Variants in MSRA observed in about 807,000 individuals in gnomAD.
MSRA encodes mitochondrial peptide methionine sulfoxide reductase.
In MSRA, 54 loss-of-function variants were observed where a neutral mutation model predicts 31.3. The ratio of observed to expected loss-of-function variants is 1.73; its 90% CI spans 1.39 to 2.17. MSRA has a LOEUF of 2.17. Among genes scored for constraint, MSRA ranks in the 30% most tolerant of loss-of-function variants. MSRA has a pLI of 0.00. For missense variants in MSRA, 507 were observed against 300.9 expected (o/e 1.69, Z -5.07); for synonymous variants, 169 against 116.5 (o/e 1.45, Z -2.90).
chr8:10,334,989 G>A (rs987503434), intron 5 of MSRA, among the ~76,000 whole-genome samples: 1 of 149,954 alleles, frequency 6.7e-6, no homozygotes, highest in Admixed American at 6.6e-5. Flanking sequence ...AAGCGAGGAG[G>A]AATAAAAGGC....
intron 5 of MSRA, among the ~76,000 whole-genome samples, chr8:10,381,765 A>G (rs936966106): frequency 1.3e-5 from 2 of 152,210 alleles, no homozygotes; most frequent in African/African-American, 4.8e-5. Flanking sequence ...GCAGACCCTC[A>G]GGAAGCTGAT....
intron 3 of MSRA, among the ~76,000 whole-genome samples, chr8:10,266,816 C>T (rs1798771968): frequency 6.6e-6 from 1 of 152,042 alleles, no homozygotes; most frequent in Non-Finnish European, 1.5e-5. Flanking sequence ...GGATTAAGGT[C>T]ACTTTACCCA....
intron 4 of MSRA, among the ~76,000 whole-genome samples, chr8:10,317,323 G>C (rs1467833956): frequency 6.6e-6 from 1 of 152,192 alleles, no homozygotes; most frequent in Non-Finnish European, 1.5e-5. Flanking sequence ...CAATCAGGAT[G>C]GATAAAACAG....
At chr8:10,135,414 A>G (rs921077230) in intron 1 of MSRA, among the ~76,000 whole-genome samples, 1 of 152,234 alleles carries the variant, frequency 6.6e-6, no homozygotes, top group Non-Finnish European at 1.5e-5. Flanking sequence ...TCTGTTTTAT[A>G]TAAGAGAGGA....
intron 3 of MSRA, among the ~76,000 whole-genome samples, chr8:10,286,103 A>G (rs1392625559): frequency 6.6e-6 from 1 of 152,056 alleles, no homozygotes; most frequent in Non-Finnish European, 1.5e-5. Flanking sequence ...GGTGTGGCTT[A>G]TTTAATCTAA....
chr8:10,122,212 T>G (rs1801172654), intron 1 of MSRA, among the ~76,000 whole-genome samples: 1 of 152,062 alleles, frequency 6.6e-6, no homozygotes, highest in Non-Finnish European at 1.5e-5. Flanking sequence ...GTCTAGCATG[T>G]GAAGCATCCT....
chr8:10,139,876 C>G (rs780644655), intron 1 of MSRA, among the ~76,000 whole-genome samples: 9 of 152,132 alleles, frequency 5.9e-5, no homozygotes, highest in Non-Finnish European at 8.8e-5. Flanking sequence ...GATTGTTTTC[C>G]TCAGTGTTGT....
chr8:10,086,506 C>T (rs1023407598), intron 1 of MSRA, among the ~76,000 whole-genome samples: 3 of 152,128 alleles, frequency 2.0e-5, no homozygotes, highest in Admixed American at 2.0e-4. Flanking sequence ...AATTTTTCTA[C>T]CCTATATATG....
intron 2 of MSRA, among the ~76,000 whole-genome samples, chr8:10,211,973 C>T (rs943064583): frequency 6.6e-6 from 1 of 151,938 alleles, no homozygotes; most frequent in Non-Finnish European, 1.5e-5. Flanking sequence ...AAATGGAGGG[C>T]AGGGGATTCC....
intron 4 of MSRA, among the ~76,000 whole-genome samples, chr8:10,318,573 A>C (rs1012091579): frequency 6.6e-6 from 1 of 152,224 alleles, no homozygotes; most frequent in Non-Finnish European, 1.5e-5. Context: ...GTCCTATCTC[A>C]AAATATAATT....
rs571443721 is a variant in MSRA at position 10,100,485 on chromosome 8, C to G, written c.142+45827C>G. On this transcript the variant is annotated intron_variant, in intron 1 of 5. Transcript: ENST00000317173. ...TTGGGAGAAGGTCAAAGGTCTGTGG[C>G]CAGGGAGGGCAGTGTTCCAGTATCT... is the stretch of plus-strand genomic sequence containing the variant. Among the ~76,000 whole-genome samples, 231 of 151,968 alleles carry G rather than the reference C, an allele frequency of 1.5e-3. 1 individual carries two copies. The highest frequency in any genetic ancestry group is 2.5e-3 in the Non-Finnish European group (170 of 67,974).
chr8:10,183,062 G>A (rs73532718), intron 1 of MSRA, among the ~76,000 whole-genome samples: 3,832 of 152,108 alleles, frequency 0.025, 149 homozygotes, highest in African/African-American at 0.088. Flanking sequence ...TTCCTTTATC[G>A]TCTCCACTGA....
chr8:10,362,208 T>G (rs954849779), intron 5 of MSRA, among the ~76,000 whole-genome samples: 4 of 152,180 alleles, frequency 2.6e-5, no homozygotes, highest in South Asian at 2.1e-4. Flanking sequence ...TGTCATACTT[T>G]ATACAGCATG....
intron 5 of MSRA, among the ~76,000 whole-genome samples, chr8:10,351,296 C>T (rs946799164): frequency 3.6e-5 from 5 of 138,442 alleles, no homozygotes; most frequent in Admixed American, 7.7e-5. Context: ...GCTCTGTTGC[C>T]GGGCTGGAAT....
chr8:10,301,508 C>A, intron 3 of MSRA, 26 bp from the exon 4 acceptor site: 1 of 1,572,446 alleles, frequency 6.4e-7, no homozygotes, highest in Non-Finnish European at 8.7e-7. Context: ...CAGTAAATTT[C>A]GGTTGTACGT....
At chr8:10,258,265 G>C (rs948294950) in intron 3 of MSRA, among the ~76,000 whole-genome samples, 14 of 152,068 alleles carry the variant, frequency 9.2e-5, no homozygotes, top group Non-Finnish European at 1.5e-4. Flanking sequence ...CTCTCAAAGA[G>C]AACAAGAAAG....
intron 3 of MSRA, among the ~76,000 whole-genome samples, chr8:10,296,649 G>A (rs1158272148): frequency 1.3e-5 from 2 of 152,196 alleles, no homozygotes; most frequent in East Asian, 3.8e-4. Flanking sequence ...AGTCCCATGT[G>A]CCAGGCACTA....
intron 1 of MSRA, among the ~76,000 whole-genome samples, chr8:10,176,036 A>T (rs1020798889): frequency 2.0e-5 from 3 of 152,172 alleles, no homozygotes; most frequent in African/African-American, 7.2e-5. Context: ...GGAAGGGCCC[A>T]AGTTGAATGG....
At chr8:10,113,339 C>T (rs910373250) in intron 1 of MSRA, among the ~76,000 whole-genome samples, 30 of 99,602 alleles carry the variant, frequency 3.0e-4, no homozygotes, top group South Asian at 8.2e-4. Flanking sequence ...AAATGCTGAG[C>T]GAAAAGTTGA....
Sources: allele counts gnomAD v4.1 joint callset (sites outside exome capture counted in the v4.1 genomes callset), GRCh38; gene constraint gnomAD v4.1.1; transcripts MANE v1.5; gene names NCBI Gene and HGNC (gene_info 2026-07-23, HGNC 2026-07-21).